Variants in SOX6 observed in about 807,000 individuals in gnomAD.
SOX6 encodes the protein SRY-box transcription factor 6.
In SOX6, 11 loss-of-function variants were observed where a neutral mutation model predicts 97.8. The observed-to-expected ratio is 0.11, with a 90% confidence interval of 0.07 to 0.19. The LOEUF is 0.19. SOX6 is among the 10% of genes least tolerant of loss of function. SOX6 has a pLI of 1.00. For synonymous variants in SOX6, 360 were observed against 371.4 expected, an observed-to-expected ratio of 0.97 and a Z score of 0.35; for missense variants, 810 against 1,039.5, an observed-to-expected ratio of 0.78 and a Z score of 3.04.
intron 3 of SOX6, among the ~76,000 whole-genome samples, chr11:16,269,357 C>T (rs1398345809): frequency 6.6e-6 from 1 of 150,824 alleles, no homozygotes; most frequent in Admixed American, 6.6e-5. Context: ...CTCATACCCC[C>T]TGCATTTGTA....
intron 6 of SOX6, among the ~76,000 whole-genome samples, chr11:16,166,040 T>TGAAGGA: frequency 6.6e-6 from 1 of 152,152 alleles, no homozygotes; most frequent in South Asian, 2.1e-4. Context: ...TACAAATTAT[T>TGAAGGA]CACTAATTTA....
chr11:16,504,645 T>C (rs1215284546), intron 4 of SOX6, among the ~76,000 whole-genome samples: 3 of 152,116 alleles, frequency 2.0e-5, no homozygotes, highest in African/African-American at 7.2e-5. Context: ...ATTGTTAAAA[T>C]AACAGATATG....
chr11:16,004,833 G>A (rs952715332), intron 13 of SOX6, among the ~76,000 whole-genome samples: 1 of 152,032 alleles, frequency 6.6e-6, no homozygotes, highest in Non-Finnish European at 1.5e-5. Flanking sequence ...TTGTTGATCT[G>A]ATCTTTCCTA....
At chr11:16,394,874 T>C in intron 1 of SOX6, among the ~76,000 whole-genome samples, 1 of 151,478 alleles carries the variant, frequency 6.6e-6, no homozygotes, top group East Asian at 1.9e-4. Flanking sequence ...GAATACAGAT[T>C]CCCCAAAGCG....
rs921382147 is a variant in SOX6, at chr11:16,605,305, G to T, written n.609+6776C>A. ...TGACTCCCTGGCGAAGTCCGCGCCC[G>T]GCGGGGCTGAACTACCCCTCGCCCC... On this transcript the variant is annotated intron_variant and non_coding_transcript_variant, in intron 4 of 5. Coordinates refer to the SOX6 transcript ENST00000524520. The surrounding 1 kb of genome is among the most constrained non-coding windows in gnomAD (Gnocchi z 5.3). Among the ~76,000 whole-genome samples the T allele has an allele frequency of 2.6e-5, 4 of 152,136 alleles. No homozygotes were observed. The highest frequency in any genetic ancestry group is 9.7e-5 in the African/African-American group (4 of 41,434).
intron 1 of SOX6, among the ~76,000 whole-genome samples, chr11:16,411,516 G>A (rs969835297): frequency 6.6e-6 from 1 of 151,458 alleles, no homozygotes; most frequent in African/African-American, 2.4e-5. Flanking sequence ...TTAATTTCAT[G>A]GATTAAAAAA....
chr11:15,985,029 G>A (rs1853787462), intron 15 of SOX6, among the ~76,000 whole-genome samples: 3 of 152,158 alleles, frequency 2.0e-5, no homozygotes. Context: ...AGGTGGCACA[G>A]TCAGTATGTG....
intron 4 of SOX6, among the ~76,000 whole-genome samples, chr11:16,538,014 C>A (rs1291440384): frequency 6.6e-6 from 1 of 152,108 alleles, no homozygotes; most frequent in Non-Finnish European, 1.5e-5. Flanking sequence ...AACCCCAAGA[C>A]ACATAATTTT....
chr11:16,541,796 T>C, intron 4 of SOX6, among the ~76,000 whole-genome samples: 1 of 152,110 alleles, frequency 6.6e-6, no homozygotes, highest in Non-Finnish European at 1.5e-5. Context: ...ATGGTGAGCA[T>C]TAAAAAGTCA....
chr11:16,377,611 T>C (rs574955642), intron 1 of SOX6, among the ~76,000 whole-genome samples: 33 of 152,314 alleles, frequency 2.2e-4, no homozygotes, highest in African/African-American at 7.5e-4. Context: ...TATTCTAAAG[T>C]AATATTTATT....
At chr11:16,540,850 T>G (rs923234223) in intron 4 of SOX6, among the ~76,000 whole-genome samples, 4 of 152,226 alleles carry the variant, frequency 2.6e-5, no homozygotes, top group Non-Finnish European at 2.9e-5. Flanking sequence ...GAACACTCCA[T>G]GCTCATGGGT....
intron 2 of SOX6, among the ~76,000 whole-genome samples, chr11:16,721,897 C>G (rs1848269908): frequency 2.0e-5 from 3 of 151,738 alleles, no homozygotes; most frequent in Admixed American, 6.6e-5. Context: ...CATCTACAAC[C>G]ATCTGACCTT....
At chr11:15,975,445 ATC>A (rs1345882128) in intron 15 of SOX6, among the ~76,000 whole-genome samples, 1 of 152,216 alleles carries the variant, frequency 6.6e-6, no homozygotes, top group African/African-American at 2.4e-5. Context: ...TGGCAAGCTG[ATC>A]TGTAATACAA....
In SOX6 at chr11:16,223,581, G is replaced by T. The variant is rs371026898; in HGVS notation, c.535+11001C>A. ...TGTTAATGGCTGTCTTCAGTTCTGG[G>T]TTTGTACATTAATACTGAAACAAAA... On this transcript the variant is annotated intron_variant, in intron 4 of 15. Coordinates refer to ENST00000683767, the MANE Select transcript of SOX6 (RefSeq NM_001367873.1). 7.2e-5 allele frequency among the ~76,000 whole-genome samples: 11 copies of T among 152,146 alleles called. No homozygotes were observed. The East Asian group carries it at 1.9e-3, about 27-fold the overall frequency.
intron 4 of SOX6, among the ~76,000 whole-genome samples, chr11:16,502,473 C>T (rs1350971857): frequency 1.4e-5 from 2 of 146,686 alleles, no homozygotes; most frequent in Non-Finnish European, 3.0e-5. Context: ...TAAAAAAAAT[C>T]CAGAAAAACA....
intron 4 of SOX6, among the ~76,000 whole-genome samples, chr11:16,502,889 G>A (rs1444358872): frequency 6.6e-6 from 1 of 152,100 alleles, no homozygotes; most frequent in African/African-American, 2.4e-5. Context: ...AGAGATGCAA[G>A]TTAAAAAGGT....
At chr11:16,064,316 T>C (rs1848038435) in intron 9 of SOX6, among the ~76,000 whole-genome samples, 3 of 151,464 alleles carry the variant, frequency 2.0e-5, no homozygotes, top group Admixed American at 2.0e-4. Context: ...AAACTAACAG[T>C]AAAAAAGAAG....
chr11:16,600,406 A>G (rs1454015124), intron 4 of SOX6, among the ~76,000 whole-genome samples: 2 of 152,200 alleles, frequency 1.3e-5, no homozygotes, highest in African/African-American at 4.8e-5. Context: ...TATTTTGAGC[A>G]AAGATATGAA....
At chr11:16,260,825 G>T (rs1031042859) in intron 3 of SOX6, among the ~76,000 whole-genome samples, 2 of 152,070 alleles carry the variant, frequency 1.3e-5, no homozygotes, top group African/African-American at 2.4e-5. Context: ...GGTCCCCCAT[G>T]TTCTGGAACC....
Sources: gnomAD v4.1 joint callset for allele counts (sites outside exome capture counted in the v4.1 genomes callset) on GRCh38, gnomAD v4.1.1 for gene constraint, Gnocchi (gnomAD v3.1) non-coding constraint, MANE v1.5 for transcripts, NCBI Gene and HGNC (gene_info 2026-07-23, HGNC 2026-07-21) for gene names.